The following ATXN7L1 variants were observed in gnomAD, a reference collection of about 807,000 sequenced individuals.
ATXN7L1 encodes the protein ataxin-7-like protein 1.
Under a neutral mutation model 70.8 loss-of-function variants are expected in ATXN7L1, and 15 were observed. That is an observed-to-expected ratio of 0.21 (90% confidence interval 0.14 to 0.33). ATXN7L1 has a LOEUF of 0.33. Ranked by LOEUF, ATXN7L1 falls within the 10% of genes least tolerant of loss-of-function variation. The pLI is 1.00. For synonymous variants in ATXN7L1, 440 were observed against 445.1 expected, an observed-to-expected ratio of 0.99 and a Z score of 0.14; for missense variants, 975 against 1,097.1, an observed-to-expected ratio of 0.89 and a Z score of 1.57.
chr7:105,663,886 C>T (rs1310590077), intron 4 of ATXN7L1, among the ~76,000 whole-genome samples: 1 of 152,138 alleles, frequency 6.6e-6, no homozygotes, highest in East Asian at 1.9e-4. Flanking sequence ...CTGCTTGCCT[C>T]AGCCTCCCCA....
chr7:105,638,709 G>C lies in ATXN7L1; in HGVS notation c.946-100C>G, dbSNP rs185111982. 6.2e-3 allele frequency: 8,802 copies of C among 1,417,026 alleles called. 35 individuals are homozygous for C. The highest frequency in any genetic ancestry group is 6.9e-3 in the Non-Finnish European group (7,363 of 1,070,480). The allele number at this position is 1,417,026 out of a possible 1,614,324, so 87.8% of individuals were successfully genotyped here. A position where few individuals can be genotyped will look rare whatever the true frequency, so the allele number is the denominator to read the frequency against. The stretch of plus-strand genomic sequence containing the variant: ...AGAAATAGCAATTCATGGAAATTTA[G>C]AGGTGCTTGAAAAGTCAACTTCAAG... On this transcript the variant is annotated intron_variant, in intron 6 of 11. Transcript: ENST00000419735.
chr7:105,638,431 C>G lies in ATXN7L1; in HGVS notation c.1124G>C (p.Gly375Ala). 1 of 1,552,260 alleles carries G rather than the reference C, an allele frequency of 6.4e-7. No homozygotes were observed. Residue 375 changes from glycine to alanine, a missense_variant, in exon 7 of 12, where the codon GGG becomes GCG. Coordinates refer to ENST00000419735, the MANE Select transcript of ATXN7L1 (RefSeq NM_020725.2). Reference sequence around the variant, plus strand: ...TTCTGGCCCAGAGCTCCCTGAAGACCCTAGCAGAGAATCCTGTGCCGGCCC... The same window carrying G: ...TTCTGGCCCAGAGCTCCCTGAAGACGCTAGCAGAGAATCCTGTGCCGGCCC... Reference protein sequence around the residue: ...QSGPAQDSLLGSSGSSGPEPK... With the variant: ...QSGPAQDSLLASSGSSGPEPK...
rs28927677 is a variant in ATXN7L1 at position 105,788,641 on chromosome 7, G to A, written c.318C>T (p.Asn106=). The A allele has an allele frequency of 6.2e-7, 1 of 1,614,002 alleles. No individual in the cohort carries two copies. The highest frequency in any genetic ancestry group is 8.5e-7 in the Non-Finnish European group (1 of 1,179,894). ...GGAAAACCTGTGGCTTGACGACCTG[G>A]TTACAGGCACTGCACACTACGAGAT... ...DFYLVVCSAC[N]QVVKPQVFQS... The change falls in exon 3 of 12, where the codon AAC becomes AAT. Residue 106 remains asparagine, a synonymous_variant. Coordinates refer to ENST00000419735, the MANE Select transcript of ATXN7L1 (RefSeq NM_020725.2).
intron 2 of ATXN7L1, among the ~76,000 whole-genome samples, chr7:105,800,020 C>T (rs373301965): frequency 2.6e-5 from 4 of 152,238 alleles, no homozygotes; most frequent in Admixed American, 6.5e-5. Context: ...TCAAGCCAGT[C>T]GTATGTGCCT....
chr7:105,775,954 G>A (rs1341911153), intron 3 of ATXN7L1, among the ~76,000 whole-genome samples: 2 of 152,148 alleles, frequency 1.3e-5, no homozygotes, highest in African/African-American at 4.8e-5. Flanking sequence ...AGTTTCCCAA[G>A]GGTATGCATC....
At chr7:105,678,215 C>T (rs1309155953) in intron 3 of ATXN7L1, among the ~76,000 whole-genome samples, 1 of 151,506 alleles carries the variant, frequency 6.6e-6, no homozygotes, top group Non-Finnish European at 1.5e-5. Flanking sequence ...CACTACCACA[C>T]AAACAAAAAC....
chr7:105,636,892 T>C (rs1430790549), intron 7 of ATXN7L1, among the ~76,000 whole-genome samples: 1 of 152,170 alleles, frequency 6.6e-6, no homozygotes, highest in African/African-American at 2.4e-5. Context: ...TGTGCTGGAA[T>C]GAAAATGTTC....
chr7:105,735,892 C>T (rs1563051537), intron 3 of ATXN7L1, among the ~76,000 whole-genome samples: 1 of 152,088 alleles, frequency 6.6e-6, no homozygotes, highest in Non-Finnish European at 1.5e-5. Flanking sequence ...GCCTAAGCCA[C>T]CAATCCACTC....
chr7:105,646,047 C>T (rs1053043884), intron 4 of ATXN7L1, among the ~76,000 whole-genome samples: 1 of 151,248 alleles, frequency 6.6e-6, no homozygotes, highest in South Asian at 2.1e-4. Context: ...TGTGGTGGCT[C>T]ATGCCTATAA....
At chr7:105,837,832 T>A (rs1197663018) in intron 2 of ATXN7L1, among the ~76,000 whole-genome samples, 1 of 151,968 alleles carries the variant, frequency 6.6e-6, no homozygotes, top group Non-Finnish European at 1.5e-5. Flanking sequence ...GAGGCCTCCG[T>A]GAGACAAGTG....
intron 3 of ATXN7L1, among the ~76,000 whole-genome samples, chr7:105,720,219 A>G (rs574651106): frequency 2.0e-5 from 3 of 152,312 alleles, no homozygotes; most frequent in South Asian, 4.2e-4. Flanking sequence ...ATATCTGCAG[A>G]GTGCAGACTT....
At chr7:105,691,845 G>A (rs945345741) in intron 3 of ATXN7L1, among the ~76,000 whole-genome samples, 4 of 152,104 alleles carry the variant, frequency 2.6e-5, no homozygotes, top group Non-Finnish European at 4.4e-5. Context: ...GCTTGCACAC[G>A]CCAACTGTTT....
chr7:105,698,110 T>G (rs1791978705), intron 3 of ATXN7L1, among the ~76,000 whole-genome samples: 1 of 152,152 alleles, frequency 6.6e-6, no homozygotes, highest in African/African-American at 2.4e-5. Flanking sequence ...GGTTGCAGGC[T>G]TGGCTTCAAT....
At chr7:105,776,527 C>T (rs1046082364) in intron 3 of ATXN7L1, among the ~76,000 whole-genome samples, 1 of 149,014 alleles carries the variant, frequency 6.7e-6, no homozygotes, top group Non-Finnish European at 1.5e-5. Flanking sequence ...AAACAAAAAA[C>T]AGTATATTGG....
chr7:105,624,649 C>CAAA (rs386410908), intron 7 of ATXN7L1, among the ~76,000 whole-genome samples: 2,690 of 114,400 alleles, frequency 0.024, 182 homozygotes, highest in African/African-American at 0.07. Flanking sequence ...GACTCTGTCT[C>CAAA]AAAAAAAAAA....
At chr7:105,825,983 C>T (rs931834018) in intron 2 of ATXN7L1, among the ~76,000 whole-genome samples, 3 of 152,084 alleles carry the variant, frequency 2.0e-5, no homozygotes, top group Non-Finnish European at 4.4e-5. Context: ...CCAAACCCTC[C>T]GGTATGTGAT....
intron 3 of ATXN7L1, among the ~76,000 whole-genome samples, chr7:105,730,263 C>G (rs150228332): frequency 3.9e-5 from 6 of 152,196 alleles, no homozygotes; most frequent in African/African-American, 1.4e-4. Context: ...GAAAATGGCA[C>G]TTTACCTCTG....
At chr7:105,623,640 G>A (rs1377370730) in intron 8 of ATXN7L1, among the ~76,000 whole-genome samples, 1 of 152,184 alleles carries the variant, frequency 6.6e-6, no homozygotes, top group African/African-American at 2.4e-5. Context: ...TACCAACAAG[G>A]GCTGGCCCCT....
intron 7 of ATXN7L1, among the ~76,000 whole-genome samples, chr7:105,631,261 G>A (rs1176799997): frequency 1.3e-5 from 2 of 152,156 alleles, no homozygotes; most frequent in African/African-American, 4.8e-5. Flanking sequence ...TTAACTAACG[G>A]GAAAGGAACT....
Sources: allele counts gnomAD v4.1 joint callset (sites outside exome capture counted in the v4.1 genomes callset), GRCh38; gene constraint gnomAD v4.1.1; transcripts MANE v1.5; gene names NCBI Gene and HGNC (gene_info 2026-07-23, HGNC 2026-07-21).